PPP1R7: variants seen among roughly 807,000 people sequenced by gnomAD.
PPP1R7 encodes the protein protein phosphatase 1 regulatory subunit 22.
PPP1R7 carries 18 observed loss-of-function variants against 45.2 expected under a neutral mutation model. The ratio of observed to expected loss-of-function variants is 0.40; its 90% confidence interval spans 0.28 to 0.59. The LOEUF is 0.59. PPP1R7 is among the 20% of genes least tolerant of loss of function. The probability of loss-of-function intolerance (pLI) is 0.46; values close to 1 mark genes in which losing one functional copy is unlikely to be tolerated. For missense variants in PPP1R7, 314 were observed against 455.8 expected, an observed-to-expected ratio of 0.69 and a Z score of 2.83; for synonymous variants, 181 against 183.4, an observed-to-expected ratio of 0.99 and a Z score of 0.11.
chr2:241,157,724 C>G, intron 2 of PPP1R7, 83 bp from the exon 3 acceptor site: 1 of 1,398,298 alleles, frequency 7.2e-7, no homozygotes, highest in Non-Finnish European at 1.0e-6. Context: ...CCAAACAGCC[C>G]CAGACCTCAG....
chr2:241,155,439 C>T (rs2067432890), intron 2 of PPP1R7, among the ~76,000 whole-genome samples: 1 of 152,178 alleles, frequency 6.6e-6, no homozygotes, highest in South Asian at 2.1e-4. Flanking sequence ...ATTTCTAGCC[C>T]TTAGAGGAGC....
intron 9 of PPP1R7, among the ~76,000 whole-genome samples, chr2:241,179,011 CA>C (rs1339243135): frequency 2.0e-5 from 3 of 151,510 alleles, no homozygotes; most frequent in African/African-American, 7.3e-5. Flanking sequence ...TAATATCAGC[CA>C]AAAAAATTGT....
chr2:241,157,880 G>A lies in PPP1R7; in HGVS notation c.237+18G>A. 1 of 1,611,218 alleles carries A rather than the reference G, an allele frequency of 6.2e-7. No individual in the cohort carries two copies. Among genetic ancestry groups the A allele is most frequent in the Non-Finnish European group, 8.5e-7 (1 of 1,177,382 alleles). The stretch of plus-strand genomic sequence containing the variant: ...ATGCAGAGGTAATGCCGCCTGCTCA[G>A]CCCAGCCTTGGGCGTGGTGATGGAC... On this transcript the variant is annotated intron_variant, in intron 3 of 9. Transcript: ENST00000234038.
At chr2:241,173,107 A>G (rs957759667) in intron 9 of PPP1R7, among the ~76,000 whole-genome samples, 3 of 152,054 alleles carry the variant, frequency 2.0e-5, no homozygotes, top group African/African-American at 7.2e-5. Flanking sequence ...CCCCGTCTCA[A>G]CTAAAAATTC....
At chr2:241,181,974 G>T (rs866991911) in intron 9 of PPP1R7, among the ~76,000 whole-genome samples, 1 of 151,362 alleles carries the variant, frequency 6.6e-6, no homozygotes, top group Non-Finnish European at 1.5e-5. Context: ...CTGCACTCCA[G>T]CCTGGGCGAC....
chr2:241,151,729 C>T (rs1349425561), intron 1 of PPP1R7, among the ~76,000 whole-genome samples: 1 of 152,174 alleles, frequency 6.6e-6, no homozygotes, highest in Non-Finnish European at 1.5e-5. Flanking sequence ...CGGCTTTTCT[C>T]ACTGTCCCAC....
chr2:241,174,824 G>A (rs1484486797), intron 9 of PPP1R7, among the ~76,000 whole-genome samples: 14 of 151,858 alleles, frequency 9.2e-5, no homozygotes, highest in South Asian at 4.2e-4. Context: ...ACCGGTGCCC[G>A]CCACCACGCC....
In PPP1R7 at chr2:241,180,669, G is replaced by A. The variant is rs550271525; in HGVS notation, c.907-1978G>A. 1.8e-4 allele frequency among the ~76,000 whole-genome samples: 28 copies of A among 152,130 alleles called. No homozygotes were observed. In the South Asian group the frequency reaches 5.8e-3, roughly 31 times the overall value. ...TTCTAGTGTTGCAGGCTCTGCACTG[G>A]CCACACAACCAGCGGGGCGGTGCGA... On this transcript the variant is annotated intron_variant, in intron 9 of 9. Transcript: ENST00000234038.
chr2:241,150,952 G>A (rs188639336), intron 1 of PPP1R7, among the ~76,000 whole-genome samples: 5 of 152,380 alleles, frequency 3.3e-5, no homozygotes, highest in Admixed American at 3.3e-4. Context: ...GGTTCACGTG[G>A]TGAGGGTGGA....
In PPP1R7 at chr2:241,169,734, C is replaced by T. The variant is rs768638139; in HGVS notation, c.820-47C>T. 8.0e-6 allele frequency: 12 copies of T among 1,500,676 alleles called. No homozygotes were observed. The South Asian group carries it at 1.4e-4, about 17-fold the overall frequency. 93.0% of individuals were successfully genotyped at this position (1,500,676 alleles called of 1,614,324 possible). On this transcript the variant is annotated intron_variant, in intron 8 of 9. Coordinates refer to ENST00000234038, the MANE Select transcript of PPP1R7 (RefSeq NM_002712.3). The stretch of plus-strand genomic sequence containing the variant: ...ACTGCCTGCGTGGTCATGCAAATCA[C>T]TGTTGATCAGAGGTAATCCAGGAAA...
chr2:241,149,984 G>A, upstream of PPP1R7: 6 of 1,418,018 alleles, frequency 4.2e-6, no homozygotes, highest in East Asian at 2.6e-5. Flanking sequence ...GGGGACGCCG[G>A]GAGAATGTTG....
At chr2:241,179,157 C>T (rs1202280563) in intron 9 of PPP1R7, among the ~76,000 whole-genome samples, 2 of 152,200 alleles carry the variant, frequency 1.3e-5, no homozygotes, top group Non-Finnish European at 2.9e-5. Flanking sequence ...AAGATGTTCT[C>T]TAGCAGAATC....
upstream of PPP1R7, chr2:241,150,062 T>G: frequency 7.5e-7 from 1 of 1,340,762 alleles, no homozygotes; most frequent in Non-Finnish European, 9.6e-7. Flanking sequence ...GGGATGCACG[T>G]AGGACTGGCC....
At chr2:241,164,564 C>T (rs2067665602) in intron 7 of PPP1R7, among the ~76,000 whole-genome samples, 1 of 152,154 alleles carries the variant, frequency 6.6e-6, no homozygotes, top group Non-Finnish European at 1.5e-5. Flanking sequence ...GTGGAAACCG[C>T]TCTTAACCCT....
chr2:241,153,101 A>C (rs770212691), intron 1 of PPP1R7, among the ~76,000 whole-genome samples: 14 of 152,248 alleles, frequency 9.2e-5, no homozygotes, highest in South Asian at 8.3e-4. Context: ...CAGAAGGGTC[A>C]CAGTGGTGAT....
chr2:241,180,415 AAAAATC>A (rs1429678764), intron 9 of PPP1R7, among the ~76,000 whole-genome samples: 14 of 142,538 alleles, frequency 9.8e-5, no homozygotes, highest in African/African-American at 3.1e-4. Context: ...AAAAAAGTGA[AAAAATC>A]GCAAAAAAAT....
At position 241,157,886 on chromosome 2, in the gene PPP1R7, C is replaced by T. The variant is rs2067494381; in HGVS notation, c.237+24C>T. 4 of 1,607,984 alleles carry T rather than the reference C, an allele frequency of 2.5e-6. No homozygotes were observed. In the East Asian group the frequency reaches 6.7e-5, roughly 27 times the overall value. ...AGGTAATGCCGCCTGCTCAGCCCAG[C>T]CTTGGGCGTGGTGATGGACCACCCT... On this transcript the variant is annotated intron_variant, in intron 3 of 9. Coordinates refer to ENST00000234038, the MANE Select transcript of PPP1R7 (RefSeq NM_002712.3).
intron 9 of PPP1R7, among the ~76,000 whole-genome samples, chr2:241,176,760 C>T (rs62187414): frequency 0.23 from 34,586 of 152,178 alleles, 4,735 homozygotes; most frequent in Non-Finnish European, 0.3. Context: ...TGTGCCTGGC[C>T]ATATCTCATT....
chr2:241,168,432 G>A (rs1181541544), intron 8 of PPP1R7, among the ~76,000 whole-genome samples: 1 of 152,196 alleles, frequency 6.6e-6, no homozygotes, highest in African/African-American at 2.4e-5. Context: ...GGTGCAGAGT[G>A]CGGGGGAGAG....
Sources: gnomAD v4.1 joint callset for allele counts (sites outside exome capture counted in the v4.1 genomes callset) on GRCh38, gnomAD v4.1.1 for gene constraint, MANE v1.5 for transcripts, NCBI Gene and HGNC (gene_info 2026-07-23, HGNC 2026-07-21) for gene names.